KIF6: variants seen among roughly 807,000 people sequenced by gnomAD.
KIF6 encodes kinesin-like protein KIF6.
KIF6 carries 106 observed loss-of-function variants against 112.7 expected under a neutral mutation model. The observed-to-expected ratio is 0.94, with a 90% CI of 0.80 to 1.11. KIF6 has a LOEUF of 1.11. Among genes scored for constraint, KIF6 ranks in the 50% least tolerant of loss-of-function variants. The pLI is 0.00. For missense variants in KIF6, 929 were observed against 964.0 expected, an observed-to-expected ratio of 0.96 and a Z score of 0.48; for synonymous variants, 339 against 339.9, an observed-to-expected ratio of 1.00 and a Z score of 0.03.
At chr6:39,614,014 A>T (rs1330110846) in intron 5 of KIF6, among the ~76,000 whole-genome samples, 4 of 152,046 alleles carry the variant, frequency 2.6e-5, no homozygotes, top group African/African-American at 9.7e-5. Context: ...TATTACAACT[A>T]CCTTAATGGG....
intron 10 of KIF6, among the ~76,000 whole-genome samples, chr6:39,572,557 C>A (rs1345853705): frequency 6.6e-6 from 1 of 150,760 alleles, no homozygotes; most frequent in Non-Finnish European, 1.5e-5. Flanking sequence ...AGGTCCAATT[C>A]AATTTCATCT....
intron 13 of KIF6, among the ~76,000 whole-genome samples, chr6:39,439,505 G>A (rs914554188): frequency 2.0e-5 from 3 of 152,094 alleles, no homozygotes; most frequent in Non-Finnish European, 4.4e-5. Context: ...TTGCAATTTC[G>A]GTTGTAAGTT....
intron 9 of KIF6, among the ~76,000 whole-genome samples, chr6:39,579,558 T>C (rs1781175024): frequency 6.6e-6 from 1 of 152,156 alleles, no homozygotes; most frequent in African/African-American, 2.4e-5. Flanking sequence ...TTTTGTTAAA[T>C]GAAAGTTCAG....
intron 13 of KIF6, among the ~76,000 whole-genome samples, chr6:39,464,922 A>C (rs1007525298): frequency 1.3e-5 from 2 of 152,248 alleles, no homozygotes; most frequent in Admixed American, 1.3e-4. Context: ...TTTATGGCAA[A>C]AGAAAGCCTA....
At chr6:39,721,456 T>C (rs1790211747) in intron 1 of KIF6, among the ~76,000 whole-genome samples, 1 of 152,294 alleles carries the variant, frequency 6.6e-6, no homozygotes, top group East Asian at 1.9e-4. Context: ...TAAGCTGATA[T>C]GGAAATAGAG....
chr6:39,516,872 C>T (rs867985376), intron 13 of KIF6, among the ~76,000 whole-genome samples: 41 of 152,304 alleles, frequency 2.7e-4, no homozygotes, highest in African/African-American at 8.7e-4. Context: ...CCCTTTCCTG[C>T]TCTTTCTTGA....
At chr6:39,707,851 A>T (rs1789304543) in intron 3 of KIF6, among the ~76,000 whole-genome samples, 1 of 152,230 alleles carries the variant, frequency 6.6e-6, no homozygotes, top group Non-Finnish European at 1.5e-5. Flanking sequence ...CTCAGAAGGG[A>T]TAACTGATTC....
At chr6:39,594,003 G>A (rs1343033600) in intron 7 of KIF6, among the ~76,000 whole-genome samples, 1 of 152,098 alleles carries the variant, frequency 6.6e-6, no homozygotes, top group Non-Finnish European at 1.5e-5. Flanking sequence ...GTTCACACTA[G>A]GCTCCAGTGC....
intron 6 of KIF6, among the ~76,000 whole-genome samples, chr6:39,604,874 G>A (rs1160702659): frequency 6.6e-6 from 1 of 152,016 alleles, no homozygotes; most frequent in Non-Finnish European, 1.5e-5. Flanking sequence ...AAAATTTTGG[G>A]AAAACAAAGT....
At chr6:39,353,395 T>A (rs943589231) in intron 19 of KIF6, among the ~76,000 whole-genome samples, 1 of 152,236 alleles carries the variant, frequency 6.6e-6, no homozygotes, top group Non-Finnish European at 1.5e-5. Context: ...GCTGTTCAGA[T>A]CTTTTGCCCA....
intron 5 of KIF6, among the ~76,000 whole-genome samples, chr6:39,618,078 T>C (rs75279957): frequency 1.5e-3 from 233 of 152,326 alleles, no homozygotes; most frequent in African/African-American, 5.2e-3. Flanking sequence ...TTTCTTAGAT[T>C]GATTACAACT....
chr6:39,577,821 C>T (rs574039560), intron 10 of KIF6, among the ~76,000 whole-genome samples: 138 of 152,212 alleles, frequency 9.1e-4, no homozygotes, highest in African/African-American at 3.2e-3. Context: ...AAGGATATTC[C>T]CATCCTCTCT....
chr6:39,495,267 G>A (rs957351975), intron 13 of KIF6, among the ~76,000 whole-genome samples: 7 of 152,172 alleles, frequency 4.6e-5, no homozygotes, highest in African/African-American at 1.7e-4. Context: ...AGCTAGAATG[G>A]GGCAGACACA....
At chr6:39,557,885 A>G (rs948439326) in intron 10 of KIF6, among the ~76,000 whole-genome samples, 1 of 151,402 alleles carries the variant, frequency 6.6e-6, no homozygotes. Context: ...ATTTTGAAGG[A>G]TTACAACCAG....
chr6:39,567,011 G>A (rs1276538761), intron 10 of KIF6, among the ~76,000 whole-genome samples: 2 of 152,002 alleles, frequency 1.3e-5, no homozygotes, highest in Non-Finnish European at 2.9e-5. Flanking sequence ...TTTCTTTTCG[G>A]GCACTTTTTC....
intron 13 of KIF6, among the ~76,000 whole-genome samples, chr6:39,487,885 G>A (rs1775212892): frequency 6.6e-6 from 1 of 152,156 alleles, no homozygotes; most frequent in Non-Finnish European, 1.5e-5. Flanking sequence ...GGGTTATGAA[G>A]CTTTGGCCTC....
chr6:39,572,278 T>C (rs1780683825), intron 10 of KIF6, among the ~76,000 whole-genome samples: 2 of 152,244 alleles, frequency 1.3e-5, no homozygotes, highest in African/African-American at 4.8e-5. Flanking sequence ...CTGTGTTTTA[T>C]ATATACATAT....
intron 9 of KIF6, among the ~76,000 whole-genome samples, chr6:39,578,852 C>A (rs1200984656): frequency 1.3e-5 from 2 of 152,146 alleles, no homozygotes; most frequent in South Asian, 2.1e-4. Context: ...TACATTACTG[C>A]ATGTAATTGC....
intron 15 of KIF6, among the ~76,000 whole-genome samples, chr6:39,417,875 G>A (rs1192663136): frequency 2.6e-5 from 4 of 152,110 alleles, no homozygotes; most frequent in African/African-American, 9.7e-5. Flanking sequence ...TTATTTCTTA[G>A]GGAGAAACAG....
Sources: gnomAD v4.1 joint callset for allele counts (sites outside exome capture counted in the v4.1 genomes callset) on GRCh38, gnomAD v4.1.1 for gene constraint, MANE v1.5 for transcripts, NCBI Gene and HGNC (gene_info 2026-07-23, HGNC 2026-07-21) for gene names.